Variants in PLXDC2 observed in about 807,000 individuals in gnomAD.
The protein encoded by PLXDC2 is plexin domain containing 2, also known as plexin domain-containing protein 2.
A neutral mutation model predicts 68.9 loss-of-function variants in PLXDC2; 40 were observed. That is an observed-to-expected ratio of 0.58 (90% CI 0.45 to 0.76). The LOEUF (loss-of-function observed/expected upper bound fraction) is 0.76, where lower values mean the gene tolerates loss of function less well. Ranked by LOEUF, PLXDC2 falls within the 30% of genes least tolerant of loss-of-function variation. PLXDC2 has a pLI of 0.00. For synonymous variants in PLXDC2, 243 were observed against 234.2 expected (o/e 1.04, Z -0.34); for missense variants, 644 against 661.9 (o/e 0.97, Z 0.30).
rs114113967 is a variant in PLXDC2 at position 20,228,210 on chromosome 10, C to T, written c.1312+9108C>T. ...AAGATACAAATTTAGGCATCAGCAG[C>T]GTATAAATGACAGTTGAAGTTAAGG... On this transcript the variant is annotated intron_variant, in intron 12 of 13. Coordinates refer to ENST00000377252, the MANE Select transcript of PLXDC2 (RefSeq NM_032812.9). Among the ~76,000 whole-genome samples, 709 of 152,142 alleles carry T rather than the reference C, an allele frequency of 4.7e-3. 8 individuals carry two copies. The highest frequency in any genetic ancestry group is 0.014 in the African/African-American group (581 of 41,498).
intron 1 of PLXDC2, among the ~76,000 whole-genome samples, chr10:19,924,792 A>G (rs1833511461): frequency 1.3e-5 from 2 of 152,194 alleles, no homozygotes; most frequent in African/African-American, 2.4e-5. Context: ...CAGTTTCCAC[A>G]TTTATAAAAT....
chr10:20,239,145 G>A (rs1835480549), intron 12 of PLXDC2, among the ~76,000 whole-genome samples: 1 of 152,030 alleles, frequency 6.6e-6, no homozygotes, highest in Non-Finnish European at 1.5e-5. Context: ...GAATTCTTCT[G>A]TGTGTTACGT....
At chr10:20,255,750 A>C (rs1373127413) in intron 13 of PLXDC2, among the ~76,000 whole-genome samples, 2 of 152,100 alleles carry the variant, frequency 1.3e-5, no homozygotes, top group Admixed American at 6.5e-5. Context: ...CAATCTAGAG[A>C]GTATGAATGT....
At chr10:20,044,122 T>TCCTTCCTTCCTCCCTC (rs71388894) in intron 2 of PLXDC2, among the ~76,000 whole-genome samples, 10 of 99,736 alleles carry the variant, frequency 1.0e-4, no homozygotes, top group African/African-American at 3.7e-4. Flanking sequence ...CTTCCTTCCT[T>TCCTTCCTTCCTCCCTC]CCTCCCTCCC....
chr10:20,137,087 A>T (rs957116428), intron 4 of PLXDC2, among the ~76,000 whole-genome samples: 1 of 152,212 alleles, frequency 6.6e-6, no homozygotes, highest in Non-Finnish European at 1.5e-5. Context: ...CTCAAACAAG[A>T]ATAAGGCAGA....
rs1835740246 is a variant in PLXDC2 at position 20,044,203 on chromosome 10, CTCTCTCTGT to C, written c.325-2665_325-2657del. On this transcript the variant is annotated intron_variant, in intron 2 of 13. Transcript: ENST00000377252. ...CTTCTTTCTTTCTTTCTCTCTCTCT[CTCTCTCTGT>C]CTTTCTTTCTTTCTTTCTTTCTTTC... Among the ~76,000 whole-genome samples the C allele has an allele frequency of 1.4e-3, 189 of 131,304 alleles. 8 individuals carry two copies. The highest frequency in any genetic ancestry group is 5.6e-3 in the African/African-American group (184 of 32,850). 86.1% of individuals were successfully genotyped at this position (131,304 alleles called of 152,430 possible).
intron 2 of PLXDC2, among the ~76,000 whole-genome samples, chr10:20,015,077 G>A (rs887316329): frequency 6.6e-6 from 1 of 152,156 alleles, no homozygotes. Flanking sequence ...TTGACAGCAG[G>A]GAATCAGAAT....
intron 2 of PLXDC2, among the ~76,000 whole-genome samples, chr10:20,004,958 T>G (rs956042819): frequency 2.0e-5 from 3 of 152,176 alleles, no homozygotes; most frequent in Non-Finnish European, 2.9e-5. Context: ...GTGTGGATGC[T>G]CTTTTGTTTG....
chr10:20,133,910 G>A (rs931732906), intron 4 of PLXDC2, among the ~76,000 whole-genome samples: 2 of 151,898 alleles, frequency 1.3e-5, no homozygotes, highest in African/African-American at 4.8e-5. Flanking sequence ...TTCTTTTGTT[G>A]TTGCTCCTCT....
intron 12 of PLXDC2, among the ~76,000 whole-genome samples, chr10:20,225,972 C>A (rs1835280929): frequency 6.6e-6 from 1 of 152,132 alleles, no homozygotes; most frequent in African/African-American, 2.4e-5. Context: ...CAAACCTTTG[C>A]ATTACATTTT....
rs148003458 is a variant in PLXDC2 at position 19,822,146 on chromosome 10, A to C, written c.112+4955A>C. ...ATTCCATTGTGCATATATATGCACT[A>C]TATATGCAATATATAATGTATATAC... On this transcript the variant is annotated intron_variant, in intron 1 of 13. Coordinates refer to ENST00000377252, the MANE Select transcript of PLXDC2 (RefSeq NM_032812.9). Among the ~76,000 whole-genome samples, 392 of 150,530 alleles carry C rather than the reference A, an allele frequency of 2.6e-3. 3 individuals are homozygous for C. Among genetic ancestry groups the C allele is most frequent in the African/African-American group, 9.0e-3 (373 of 41,232 alleles).
At chr10:20,086,809 C>T (rs1029810832) in intron 4 of PLXDC2, among the ~76,000 whole-genome samples, 3 of 152,234 alleles carry the variant, frequency 2.0e-5, no homozygotes, top group Middle Eastern at 6.8e-3. Context: ...CTGTAGCACG[C>T]CTAAGCAGTT....
intron 1 of PLXDC2, among the ~76,000 whole-genome samples, chr10:19,821,350 C>G (rs1028529978): frequency 6.6e-6 from 1 of 152,158 alleles, no homozygotes; most frequent in Non-Finnish European, 1.5e-5. Flanking sequence ...CATCCATTTT[C>G]CAATTTTTCC....
At chr10:19,840,793 G>T (rs1043132613) in intron 1 of PLXDC2, among the ~76,000 whole-genome samples, 3 of 152,172 alleles carry the variant, frequency 2.0e-5, no homozygotes, top group Non-Finnish European at 4.4e-5. Context: ...AGAGAATTTG[G>T]TAAGGAGTGT....
At chr10:20,171,190 T>C (rs1703929499) in intron 7 of PLXDC2, among the ~76,000 whole-genome samples, 1 of 152,104 alleles carries the variant, frequency 6.6e-6, no homozygotes, top group Admixed American at 6.5e-5. Flanking sequence ...TCTATAATAT[T>C]TTCTAGAACC....
intron 1 of PLXDC2, among the ~76,000 whole-genome samples, chr10:19,867,181 T>G (rs141327992): frequency 6.7e-6 from 1 of 150,318 alleles, no homozygotes; most frequent in East Asian, 2.0e-4. Flanking sequence ...TTCTCCTGCC[T>G]CAGCCTCTTG....
rs1229348465 is a variant in PLXDC2 at position 20,285,668 on chromosome 10, T to G, written c.*5849T>G. On this transcript the variant is annotated 3_prime_UTR_variant, in exon 14 of 14. Transcript: ENST00000377252. ...CAGTCTTACTGACCAGATGCAACAGTTGAAGTTTGATTTCTCGACCCAATA... is the reference window on the plus strand; with the variant it reads ...CAGTCTTACTGACCAGATGCAACAGGTGAAGTTTGATTTCTCGACCCAATA... The G allele has an allele frequency of 6.6e-6, 1 of 152,214 alleles. No individual in the cohort carries two copies. The highest frequency in any genetic ancestry group is 1.5e-5 in the Non-Finnish European group (1 of 68,036). 9.4% of individuals were successfully genotyped at this position (152,214 alleles called of 1,614,324 possible).
intron 1 of PLXDC2, among the ~76,000 whole-genome samples, chr10:19,988,900 A>T (rs1364976205): frequency 7.2e-6 from 1 of 139,046 alleles, no homozygotes; most frequent in Non-Finnish European, 1.5e-5. Flanking sequence ...CGTTCAGGAG[A>T]TTCTCTTGCC....
In PLXDC2 at chr10:19,816,925, G is replaced by C. The variant is rs1360930496; in HGVS notation, c.-155G>C. Reference sequence around the variant, plus strand: ...TCGCGTTCGCTTCTTCCTCTTCTCGGTTCCCTACTGTGAAATCGCAGCGAC... The same window carrying C: ...TCGCGTTCGCTTCTTCCTCTTCTCGCTTCCCTACTGTGAAATCGCAGCGAC... On this transcript the variant is annotated 5_prime_UTR_variant, in exon 1 of 14. Coordinates refer to ENST00000377252, the MANE Select transcript of PLXDC2 (RefSeq NM_032812.9). 4 of 615,290 alleles carry C rather than the reference G, an allele frequency of 6.5e-6. No homozygotes were observed. The African/African-American group carries it at 7.4e-5, about 11-fold the overall frequency. 38.1% of individuals were successfully genotyped at this position (615,290 alleles called of 1,614,324 possible).
Sources: allele counts gnomAD v4.1 joint callset (sites outside exome capture counted in the v4.1 genomes callset), GRCh38; gene constraint gnomAD v4.1.1; transcripts MANE v1.5; gene names NCBI Gene and HGNC (gene_info 2026-07-23, HGNC 2026-07-21).